Variants in ZBED6 observed in about 807,000 individuals in gnomAD.
The protein encoded by ZBED6 is zinc finger BED domain-containing protein 6.
A neutral mutation model predicts 58.4 loss-of-function variants in ZBED6; 40 were observed. That is an observed-to-expected ratio of 0.68 (90% CI 0.53 to 0.89). ZBED6 has a LOEUF of 0.89. Ranked by LOEUF, ZBED6 falls within the 40% of genes least tolerant of loss-of-function variation. The pLI, the probability that ZBED6 is intolerant of heterozygous loss-of-function variation, is 0.00. For synonymous variants in ZBED6, 439 were observed against 350.6 expected, an observed-to-expected ratio of 1.25 and a Z score of -2.82; for missense variants, 1,057 against 1,003.9, an observed-to-expected ratio of 1.05 and a Z score of -0.71.
At position 203,828,436 on chromosome 1, in the gene ZBED6, T is replaced by C. The variant is rs1344287628; in HGVS notation, c.*2997+14T>C. 1 of 1,597,372 alleles carries C rather than the reference T, an allele frequency of 6.3e-7. No homozygotes were observed. Reference sequence around the variant, plus strand: ...CTCCGAGCAAAAGTGAGATCAGTTTTTAATTTTAAAAGAATATCAAATGAA... The same window carrying C: ...CTCCGAGCAAAAGTGAGATCAGTTTCTAATTTTAAAAGAATATCAAATGAA... On this transcript the variant is annotated intron_variant, in intron 4 of 16. Transcript: ENST00000550078.
intron 4 of ZBED6, 83 bp downstream of exon 4, chr1:203,828,505 C>G: frequency 6.8e-7 from 1 of 1,479,670 alleles, no homozygotes; most frequent in Non-Finnish European, 9.2e-7. Flanking sequence ...CAGACATTGA[C>G]TCCTTTCAGT....
At chr1:203,813,606 G>A (rs1675244275) in intron 1 of ZBED6, among the ~76,000 whole-genome samples, 1 of 152,098 alleles carries the variant, frequency 6.6e-6, no homozygotes, top group South Asian at 2.1e-4. Flanking sequence ...CCATAACAAA[G>A]TATCACAAAC....
rs781753328 is a variant in ZBED6 at position 203,798,988 on chromosome 1, A to G, written c.1466A>G (p.His489Arg). ...CACCTGACTGTTGACATATGGACCC[A>G]TGACCCATCCACTGACTATTTTATT... The change falls in exon 1 of 17, where the codon CAT becomes CGT. Residue 489 changes from histidine (H) to arginine (R), a missense_variant. His to Arg is a conservative substitution (Grantham distance 29). Transcript: ENST00000550078. The G allele has an allele frequency of 8.5e-6, 13 of 1,536,024 alleles. No homozygotes were observed. The highest frequency in any genetic ancestry group is 1.2e-5 in the South Asian group (1 of 84,070).
At chr1:203,823,946 A>G (rs930747724) in intron 3 of ZBED6, among the ~76,000 whole-genome samples, 13 of 151,832 alleles carry the variant, frequency 8.6e-5, no homozygotes, top group African/African-American at 3.1e-4. Flanking sequence ...CAAGTGAAAA[A>G]CCTAAGGTGA....
chr1:203,803,287 G>T (rs1671089325), intron 1 of ZBED6, among the ~76,000 whole-genome samples: 1 of 152,070 alleles, frequency 6.6e-6, no homozygotes, highest in Admixed American at 6.6e-5. Flanking sequence ...CTCCTCCCAG[G>T]TTCAAGCAGT....
intron 3 of ZBED6, among the ~76,000 whole-genome samples, chr1:203,825,151 T>C (rs374923036): frequency 9.2e-5 from 14 of 152,008 alleles, no homozygotes; most frequent in Admixed American, 3.3e-4. Context: ...CTATTTGTCT[T>C]GCGTTTCATA....
At chr1:203,842,102 C>G (rs1686511236) in intron 11 of ZBED6, among the ~76,000 whole-genome samples, 1 of 151,082 alleles carries the variant, frequency 6.6e-6, no homozygotes, top group Admixed American at 6.6e-5. Flanking sequence ...AAGAGGCGCT[C>G]CTCACTTCCC....
chr1:203,822,697 C>T (rs1679187927), intron 3 of ZBED6, among the ~76,000 whole-genome samples: 2 of 152,200 alleles, frequency 1.3e-5, no homozygotes, highest in African/African-American at 4.8e-5. Flanking sequence ...AGGCTCAACA[C>T]TTGTCAGGGT....
chr1:203,828,851 C>A (rs1681382716), intron 4 of ZBED6, among the ~76,000 whole-genome samples: 1 of 152,046 alleles, frequency 6.6e-6, no homozygotes, highest in African/African-American at 2.4e-5. Context: ...ACCATATGGC[C>A]CACAAAGCCT....
At chr1:203,837,488 G>C (rs1684744661) in intron 9 of ZBED6, among the ~76,000 whole-genome samples, 1 of 147,500 alleles carries the variant, frequency 6.8e-6, no homozygotes, top group Non-Finnish European at 1.5e-5. Context: ...GGGCCTTGCT[G>C]TATCGCCCAG....
intron 1 of ZBED6, among the ~76,000 whole-genome samples, chr1:203,809,497 A>G (rs1673608700): frequency 6.6e-6 from 1 of 151,966 alleles, no homozygotes; most frequent in Admixed American, 6.6e-5. Context: ...TCATAGTGGT[A>G]TGTTCATTTG....
exon 1 of ZBED6, chr1:203,798,163 G>C (rs972597260): frequency 6.5e-7 from 1 of 1,536,014 alleles, no homozygotes; most frequent in Non-Finnish European, 8.7e-7. Context: ...AGCAATGGAA[G>C]CTTTGAATAT....
chr1:203,807,790 A>G (rs1672885950), intron 1 of ZBED6, among the ~76,000 whole-genome samples: 1 of 152,032 alleles, frequency 6.6e-6, no homozygotes, highest in African/African-American at 2.4e-5. Flanking sequence ...TGCGCAGACC[A>G]GAGTGCAGTG....
chr1:203,804,652 AT>A (rs972358640), intron 1 of ZBED6, among the ~76,000 whole-genome samples: 3 of 144,548 alleles, frequency 2.1e-5, no homozygotes, highest in Non-Finnish European at 3.0e-5. Flanking sequence ...CAGGTTCTGG[AT>A]TTTTTTCTTT....
intron 1 of ZBED6, chr1:203,805,906 ACTTG>A: frequency 1.4e-6 from 1 of 692,272 alleles, no homozygotes; most frequent in Non-Finnish European, 2.7e-6. Flanking sequence ...GTCAGTTTTC[ACTTG>A]CTTGTCTACC....
exon 1 of ZBED6, chr1:203,802,229 T>C (rs930947181): frequency 6.6e-6 from 1 of 152,630 alleles, no homozygotes; most frequent in Non-Finnish European, 1.5e-5. Flanking sequence ...ATCCATATTA[T>C]ACATAATGAT....
chr1:203,799,027 G>A lies in ZBED6; in HGVS notation c.1505G>A (p.Trp502Ter). The A allele has an allele frequency of 6.5e-7, 1 of 1,536,076 alleles. No individual in the cohort carries two copies. The highest frequency in any genetic ancestry group is 8.7e-7 in the Non-Finnish European group (1 of 1,146,894). Reference sequence around the variant, plus strand: ...GACTATTTTATTGTGACTGTACACTGGGTTTCTTTGGAAACTGCGTCTTTT... The same window carrying A: ...GACTATTTTATTGTGACTGTACACTAGGTTTCTTTGGAAACTGCGTCTTTT... Residue 502 changes from tryptophan (W) to a stop codon, truncating the protein, a stop_gained, in exon 1 of 17, where the codon TGG becomes TAG. Coordinates refer to ENST00000550078, the Ensembl canonical transcript of ZBED6. LOFTEE classifies it high-confidence loss of function.
At chr1:203,814,317 A>G (rs2102707976) in intron 1 of ZBED6, among the ~76,000 whole-genome samples, 1 of 152,322 alleles carries the variant, frequency 6.6e-6, no homozygotes, top group African/African-American at 2.4e-5. Flanking sequence ...TGAGGTCAGA[A>G]GTTCAAGACC....
chr1:203,831,525 T>C lies in ZBED6; in HGVS notation c.*3400-136T>C, dbSNP rs531531652. ...CTCCATTTGACTGTAGGCAAACAGA[T>C]ACAGAAAGGCTGATTGGCTTATAGT... On this transcript the variant is annotated intron_variant, in intron 7 of 16. Transcript: ENST00000550078. 1.9e-4 allele frequency: 126 copies of C among 672,706 alleles called. 1 individual carries two copies. In the South Asian group the frequency reaches 2.4e-3, roughly 13 times the overall value. 41.7% of individuals were successfully genotyped at this position (672,706 alleles called of 1,614,324 possible).
Sources: allele counts gnomAD v4.1 joint callset (sites outside exome capture counted in the v4.1 genomes callset), GRCh38; gene constraint gnomAD v4.1.1; transcripts MANE v1.5; gene names NCBI Gene and HGNC (gene_info 2026-07-23, HGNC 2026-07-21).